The following CA5A variants were observed in gnomAD, a reference collection of about 807,000 sequenced individuals.
The protein encoded by CA5A is carbonic anhydrase 5A, also known as carbonic anhydrase 5A, mitochondrial.
In CA5A, 28 loss-of-function variants were observed where a neutral mutation model predicts 37.1. The observed-to-expected ratio is 0.75, with a 90% CI of 0.56 to 1.03. The LOEUF is 1.03. CA5A is among the 50% of genes least tolerant of loss of function. The pLI is 0.00. For synonymous variants in CA5A, 171 were observed against 158.4 expected (o/e 1.08, Z -0.60); for missense variants, 444 against 399.9 (o/e 1.11, Z -0.94).
intron 1 of CA5A, among the ~76,000 whole-genome samples, chr16:87,927,380 C>G (rs1224221866): frequency 6.6e-6 from 1 of 152,136 alleles, no homozygotes; most frequent in Non-Finnish European, 1.5e-5. Context: ...CTCCCAGGTA[C>G]CCCACCTAGT....
At chr16:87,902,610 T>G in intron 3 of CA5A, 90 bp from the exon 4 acceptor site, 1 of 766,904 alleles carries the variant, frequency 1.3e-6, no homozygotes, top group Non-Finnish European at 2.3e-6. Flanking sequence ...TGTGTCCACT[T>G]AATCATAATG....
Position 87,905,258 on chromosome 16 carries a change from T to TA in CA5A, c.341-355dup, listed in dbSNP as rs201383195. Among the ~76,000 whole-genome samples, 12 of 151,312 alleles carry TA rather than the reference T, an allele frequency of 7.9e-5. No homozygotes were observed. The South Asian group carries it at 8.3e-4, about 11-fold the overall frequency. On this transcript the variant is annotated intron_variant, in intron 2 of 6. Coordinates refer to ENST00000649794, the MANE Select transcript of CA5A (RefSeq NM_001739.2). ...TCCTATAAGATTTCCAGACTTTAAT[T>TA]AAAAAAAAAGGTGTCTTCCAAATAT...
chr16:87,912,639 G>A (rs2056067481), intron 2 of CA5A, among the ~76,000 whole-genome samples: 1 of 152,252 alleles, frequency 6.6e-6, no homozygotes, highest in East Asian at 1.9e-4. Context: ...AATCCAGGAG[G>A]GGCAGACGGT....
chr16:87,925,603 C>G (rs1382207293), intron 2 of CA5A: 1 of 152,234 alleles, frequency 6.6e-6, no homozygotes, highest in East Asian at 1.9e-4. Context: ...GGGAAAACAC[C>G]AGGTAGGACC....
At chr16:87,921,059 C>T (rs946290907) in intron 2 of CA5A, among the ~76,000 whole-genome samples, 3 of 152,034 alleles carry the variant, frequency 2.0e-5, no homozygotes, top group Admixed American at 6.6e-5. Context: ...TCCCAAAGTG[C>T]TGGGATTACA....
chr16:87,885,999 A>G (rs1276758242), downstream of CA5A: 1 of 152,148 alleles, frequency 6.6e-6, no homozygotes, highest in African/African-American at 2.4e-5. Context: ...GGCACTCAAT[A>G]AATGTTACAT....
intron 2 of CA5A, among the ~76,000 whole-genome samples, chr16:87,918,464 G>T (rs984065860): frequency 4.3e-5 from 6 of 139,706 alleles, no homozygotes; most frequent in Middle Eastern, 3.7e-3. Context: ...AGCCCTTGCC[G>T]CCACCTCTGT....
In CA5A at chr16:87,915,974, C is replaced by T. The variant is rs541233890; in HGVS notation, c.340+10774G>A. Reference sequence around the variant, plus strand: ...TCACAGTTCCACGTGGCTGGGGAGGCCTCGCAATCACGGCAGAAGGCGAAA... The same window carrying T: ...TCACAGTTCCACGTGGCTGGGGAGGTCTCGCAATCACGGCAGAAGGCGAAA... On this transcript the variant is annotated intron_variant, in intron 2 of 6. Transcript: ENST00000649794. Among the ~76,000 whole-genome samples the T allele has an allele frequency of 5.3e-3, 812 of 151,964 alleles. 1 individual carries two copies. The highest frequency in any genetic ancestry group is 0.019 in the African/African-American group (785 of 41,432).
chr16:87,894,070 A>G (rs1280935134), intron 5 of CA5A, among the ~76,000 whole-genome samples: 4 of 152,178 alleles, frequency 2.6e-5, no homozygotes, highest in African/African-American at 9.7e-5. Context: ...GCTCTTTTGG[A>G]TATATACCCA....
intron 2 of CA5A, among the ~76,000 whole-genome samples, chr16:87,915,526 A>ATTTTTTTTT (rs59358304): frequency 1.4e-5 from 1 of 72,980 alleles, no homozygotes; most frequent in Non-Finnish European, 2.4e-5. Context: ...CTGTGTCAAA[A>ATTTTTTTTT]TTTTTTTTTT....
chr16:87,931,448 G>A (rs893635241), intron 1 of CA5A, among the ~76,000 whole-genome samples: 1 of 152,188 alleles, frequency 6.6e-6, no homozygotes, highest in Non-Finnish European at 1.5e-5. Flanking sequence ...ACATTGTGCA[G>A]TGGGGAAGAC....
At chr16:87,907,342 G>C (rs1404596684) in intron 2 of CA5A, among the ~76,000 whole-genome samples, 1 of 152,174 alleles carries the variant, frequency 6.6e-6, no homozygotes, top group Non-Finnish European at 1.5e-5. Context: ...CTGTGTCTGT[G>C]GGGGAAAGGG....
chr16:87,886,946 T>C (rs1396708585), downstream of CA5A: 2 of 152,162 alleles, frequency 1.3e-5, no homozygotes, highest in South Asian at 4.1e-4. Context: ...TCTGTCACCC[T>C]GGCTGGAGTG....
chr16:87,912,924 G>C (rs2144005006), intron 2 of CA5A, among the ~76,000 whole-genome samples: 1 of 152,308 alleles, frequency 6.6e-6, no homozygotes, highest in South Asian at 2.1e-4. Context: ...GGATTACAGG[G>C]GCAACAGGGT....
rs555185993 is a variant in CA5A at position 87,927,183 on chromosome 16, C to G, written c.143-238G>C. Among the ~76,000 whole-genome samples, 6 of 152,406 alleles carry G rather than the reference C, an allele frequency of 3.9e-5. No homozygotes were observed. The East Asian group carries it at 1.2e-3, about 29-fold the overall frequency. On this transcript the variant is annotated intron_variant, in intron 1 of 6. Coordinates refer to ENST00000649794, the MANE Select transcript of CA5A (RefSeq NM_001739.2). Reference sequence around the variant, plus strand: ...TTCTTTCCCACCCGGAAGCAACTCCCTCTGGGCCCATGCCACCTGTGTTGA... The same window carrying G: ...TTCTTTCCCACCCGGAAGCAACTCCGTCTGGGCCCATGCCACCTGTGTTGA...
intron 2 of CA5A, among the ~76,000 whole-genome samples, chr16:87,913,126 GCAC>G (rs1272707709): frequency 6.6e-6 from 1 of 151,714 alleles, no homozygotes; most frequent in Non-Finnish European, 1.5e-5. Flanking sequence ...TTACAGGCAG[GCAC>G]CACCACAACT....
At chr16:87,889,182 G>T (rs2055678749) in intron 6 of CA5A, among the ~76,000 whole-genome samples, 1 of 151,954 alleles carries the variant, frequency 6.6e-6, no homozygotes, top group South Asian at 2.1e-4. Context: ...GCCTCCCAAA[G>T]TACTGGGATT....
intron 1 of CA5A, among the ~76,000 whole-genome samples, chr16:87,931,681 C>T (rs1356534482): frequency 1.3e-5 from 2 of 152,212 alleles, no homozygotes; most frequent in East Asian, 3.8e-4. Context: ...TTTCCCTGCC[C>T]CTGCCTTACA....
chr16:87,898,000 G>T (rs141820203), intron 5 of CA5A, among the ~76,000 whole-genome samples: 33 of 152,178 alleles, frequency 2.2e-4, no homozygotes, highest in African/African-American at 6.5e-4. Flanking sequence ...GACTCTGGAA[G>T]CCAGGGCAGA....
Sources: gnomAD v4.1 joint callset for allele counts (sites outside exome capture counted in the v4.1 genomes callset) on GRCh38, gnomAD v4.1.1 for gene constraint, MANE v1.5 for transcripts, NCBI Gene and HGNC (gene_info 2026-07-23, HGNC 2026-07-21) for gene names.